Variants in SETD2 observed in about 807,000 individuals in gnomAD.
SETD2 encodes histone-lysine N-methyltransferase SETD2.
Under a neutral mutation model 242.1 loss-of-function variants are expected in SETD2, and 31 were observed. The ratio of observed to expected loss-of-function variants is 0.13; its 90% CI spans 0.10 to 0.17. The LOEUF (loss-of-function observed/expected upper bound fraction) is 0.17, where lower values mean the gene tolerates loss of function less well. SETD2 is among the 10% of genes least tolerant of loss of function. SETD2 has a pLI of 1.00. For synonymous variants in SETD2, 1,006 were observed against 1,066.5 expected, an observed-to-expected ratio of 0.94 and a Z score of 1.11; for missense variants, 2,481 against 3,046.3, an observed-to-expected ratio of 0.81 and a Z score of 4.37.
intron 15 of SETD2, among the ~76,000 whole-genome samples, chr3:47,055,985 C>T: frequency 8.8e-6 from 1 of 113,008 alleles, no homozygotes; most frequent in Admixed American, 1.2e-4. Context: ...TGCACTCCAG[C>T]CTGGGGGACA....
intron 1 of SETD2, among the ~76,000 whole-genome samples, chr3:47,135,561 C>G (rs957364084): frequency 6.6e-6 from 1 of 152,216 alleles, no homozygotes; most frequent in Non-Finnish European, 1.5e-5. Flanking sequence ...CAGGCATGAG[C>G]CAGTACAGGC....
At position 47,054,444 on chromosome 3, in the gene SETD2, G is replaced by A. The variant is rs543699596; in HGVS notation, c.6963+2377C>T. On this transcript the variant is annotated intron_variant, in intron 15 of 20. Transcript: ENST00000409792. ...GGACCTATTTCAGGAATAGGAATGGGGATAGACATAAACCATTTTTACTGT... is the reference window on the plus strand; with the variant it reads ...GGACCTATTTCAGGAATAGGAATGGAGATAGACATAAACCATTTTTACTGT... 2.6e-5 allele frequency among the ~76,000 whole-genome samples: 4 copies of A among 152,170 alleles called. No individual in the cohort carries two copies. In the East Asian group the frequency reaches 7.7e-4, roughly 29 times the overall value.
At chr3:47,034,512 A>T (rs980843503) in intron 18 of SETD2, among the ~76,000 whole-genome samples, 4 of 152,154 alleles carry the variant, frequency 2.6e-5, no homozygotes, top group Non-Finnish European at 5.9e-5. Context: ...AATTTTTAAC[A>T]ATTAGCCAGG....
chr3:47,126,452 C>T (rs1174708509), intron 2 of SETD2, among the ~76,000 whole-genome samples, 196 bp downstream of exon 2: 1 of 152,196 alleles, frequency 6.6e-6, no homozygotes, highest in Non-Finnish European at 1.5e-5. Context: ...AGTTTAAAAA[C>T]CATTTTTCTG....
chr3:47,149,822 A>G (rs544345053), intron 1 of SETD2, among the ~76,000 whole-genome samples: 2 of 152,164 alleles, frequency 1.3e-5, no homozygotes, highest in African/African-American at 4.8e-5. Context: ...ACATTAGGTT[A>G]AAAGGCTCGA....
At chr3:47,127,894 G>A (rs530100927) in intron 1 of SETD2, among the ~76,000 whole-genome samples, 1 of 152,150 alleles carries the variant, frequency 6.6e-6, no homozygotes, top group African/African-American at 2.4e-5. Flanking sequence ...GGCTAAGTTG[G>A]GAGGATTGCT....
intron 7 of SETD2, among the ~76,000 whole-genome samples, chr3:47,102,118 T>C (rs140023973): frequency 1.3e-5 from 2 of 152,324 alleles, no homozygotes; most frequent in African/African-American, 4.8e-5. Context: ...TGGGGGCAGA[T>C]ACATGTTAGG....
chr3:47,034,341 G>A lies in SETD2; in HGVS notation c.7350+3325C>T, dbSNP rs1274134278. ...TCTTTATAATCTCCCGTTCCCTTTC[G>A]TTTTTATACATGTACCTCCCCCAAC... On this transcript the variant is annotated intron_variant, in intron 18 of 20. Coordinates refer to ENST00000409792, the MANE Select transcript of SETD2 (RefSeq NM_014159.7). 2.6e-5 allele frequency among the ~76,000 whole-genome samples: 4 copies of A among 152,026 alleles called. No homozygotes were observed. The South Asian group carries it at 6.2e-4, about 24-fold the overall frequency.
chr3:47,115,015 A>G (rs1055166897), intron 4 of SETD2, among the ~76,000 whole-genome samples: 9 of 152,166 alleles, frequency 5.9e-5, no homozygotes, highest in African/African-American at 2.2e-4. Context: ...GTGAGGCAGT[A>G]TAAAGGAAAG....
chr3:47,164,096 G>A lies in SETD2; in HGVS notation c.-172C>T. 2 of 1,120,092 alleles carry A rather than the reference G, an allele frequency of 1.8e-6. No individual in the cohort carries two copies. The highest frequency in any genetic ancestry group is 2.2e-6 in the Non-Finnish European group (2 of 894,108). The allele number at this position is 1,120,092 out of a possible 1,614,324, so 69.4% of individuals were successfully genotyped here. A position where few individuals can be genotyped will look rare whatever the true frequency, so the allele number is the denominator to read the frequency against. On this transcript the variant is annotated 5_prime_UTR_variant, in exon 1 of 21. Transcript: ENST00000409792. This position sits in a 1 kb window ranked among gnomAD's most constrained non-coding sequence, Gnocchi z 5.4. ...TCGTCGCTCCCTCCCTCCCTCGGACGCCCGCCAGCCGCTCTCTCCCTCTCA... is the reference window on the plus strand; with the variant it reads ...TCGTCGCTCCCTCCCTCCCTCGGACACCCGCCAGCCGCTCTCTCCCTCTCA...
At chr3:47,117,114 C>T (rs2042885036) in intron 3 of SETD2, among the ~76,000 whole-genome samples, 4 of 152,066 alleles carry the variant, frequency 2.6e-5, no homozygotes, top group African/African-American at 9.7e-5. Flanking sequence ...ATTCCCCTGC[C>T]TCCACTTCCC....
chr3:47,093,414 G>A (rs922021569), intron 9 of SETD2, among the ~76,000 whole-genome samples: 3 of 151,362 alleles, frequency 2.0e-5, no homozygotes, highest in African/African-American at 7.3e-5. Context: ...CTCCCAAGTA[G>A]CTGAGATTAC....
intron 11 of SETD2, among the ~76,000 whole-genome samples, 177 bp from the exon 12 acceptor site, chr3:47,084,559 G>A (rs1056272577): frequency 6.6e-6 from 1 of 151,786 alleles, no homozygotes; most frequent in Non-Finnish European, 1.5e-5. Context: ...CAAGTAGCTG[G>A]GAGTACAGGC....
intron 3 of SETD2, among the ~76,000 whole-genome samples, chr3:47,117,285 CAA>C (rs1191196844): frequency 2.8e-4 from 7 of 24,774 alleles, no homozygotes; most frequent in Admixed American, 1.1e-3. Flanking sequence ...AAAAAACAAA[CAA>C]AAAAAAAAAC....
intron 5 of SETD2, among the ~76,000 whole-genome samples, chr3:47,106,493 TAAAAAAAAAAAAAAAA>T (rs766455577): frequency 0.03 from 1,720 of 57,398 alleles, 85 homozygotes; most frequent in African/African-American, 0.11. Context: ...ATTTTTGCTC[TAAAAAAAAAAAAAAAA>T]AAAAAAAAAA....
At chr3:47,091,221 C>T (rs1297033676) in intron 9 of SETD2, among the ~76,000 whole-genome samples, 1 of 152,150 alleles carries the variant, frequency 6.6e-6, no homozygotes, top group African/African-American at 2.4e-5. Flanking sequence ...CCAAATTCTA[C>T]GGTATTAGAT....
At chr3:47,025,573 G>A (rs1356853205) in intron 18 of SETD2, among the ~76,000 whole-genome samples, 1 of 152,110 alleles carries the variant, frequency 6.6e-6, no homozygotes, top group Admixed American at 6.5e-5. Context: ...TCTTTGTCTT[G>A]CTAACTTCCC....
chr3:47,153,881 T>C (rs1379885357), intron 1 of SETD2, among the ~76,000 whole-genome samples: 4 of 151,880 alleles, frequency 2.6e-5, no homozygotes, highest in African/African-American at 9.7e-5. Context: ...CATATACAAA[T>C]AGAAATAAGT....
At chr3:47,034,582 G>A (rs180790716) in intron 18 of SETD2, among the ~76,000 whole-genome samples, 1 of 152,142 alleles carries the variant, frequency 6.6e-6, no homozygotes, top group Admixed American at 6.5e-5. Context: ...AGGATTACTT[G>A]AGCCTGAGAG....
Sources: allele counts gnomAD v4.1 joint callset (sites outside exome capture counted in the v4.1 genomes callset), GRCh38; gene constraint gnomAD v4.1.1; non-coding constraint Gnocchi (gnomAD v3.1); transcripts MANE v1.5; gene names NCBI Gene and HGNC (gene_info 2026-07-23, HGNC 2026-07-21).